The following YARS1 variants were observed in gnomAD, a reference collection of about 807,000 sequenced individuals.
The protein encoded by YARS1 is tyrosyl-tRNA synthetase 1.
In YARS1, 36 loss-of-function variants were observed where a neutral mutation model predicts 62.2. That is an observed-to-expected ratio of 0.58 (90% CI 0.44 to 0.76). YARS1 has a LOEUF of 0.76. Ranked by LOEUF, YARS1 falls within the 30% of genes least tolerant of loss-of-function variation. The probability of loss-of-function intolerance (pLI) is 0.00; values close to 1 mark genes in which losing one functional copy is unlikely to be tolerated. For missense variants in YARS1, 524 were observed against 639.8 expected, an observed-to-expected ratio of 0.82 and a Z score of 1.95; for synonymous variants, 234 against 244.9, an observed-to-expected ratio of 0.96 and a Z score of 0.42.
intron 3 of YARS1, among the ~76,000 whole-genome samples, chr1:32,808,772 A>G (rs1255862717): frequency 6.6e-6 from 1 of 152,126 alleles, no homozygotes; most frequent in Non-Finnish European, 1.5e-5. Flanking sequence ...AACTCATTCA[A>G]ATTGAAACCC....
rs1348014920 is a variant in YARS1 at position 32,776,399 on chromosome 1, G to A, written c.1477-308C>T. Among the ~76,000 whole-genome samples, 1 of 152,050 alleles carries A rather than the reference G, an allele frequency of 6.6e-6. No individual in the cohort carries two copies. The highest frequency in any genetic ancestry group is 1.5e-5 in the Non-Finnish European group (1 of 68,016). On this transcript the variant is annotated intron_variant, in intron 12 of 12. Transcript: ENST00000373477. The surrounding 1 kb of genome is among the most constrained non-coding windows in gnomAD (Gnocchi z 4.0). ...TGACCTCAAGTGATCCGCCTGCCTC[G>A]GCCTCCCAAAGTGTTGGGATTACAG...
At chr1:32,790,888 A>T in intron 6 of YARS1, 1 of 426,196 alleles carries the variant, frequency 2.3e-6, no homozygotes, top group African/African-American at 2.0e-5. Context: ...CTCATTAATA[A>T]GGCTGAATTT....
At position 32,803,395 on chromosome 1, in the gene YARS1, G is replaced by T. The variant is rs149356436; in HGVS notation, c.510+3087C>A. Among the ~76,000 whole-genome samples the T allele has an allele frequency of 2.0e-5, 3 of 150,238 alleles. No individual in the cohort carries two copies. In the East Asian group the frequency reaches 5.9e-4, roughly 30 times the overall value. ...GATTTGCTCACCTCGGCATCCCAAA[G>T]TGCTGGGATTACAGGCATGAGCCAC... On this transcript the variant is annotated intron_variant, in intron 4 of 12. Coordinates refer to ENST00000373477, the MANE Select transcript of YARS1 (RefSeq NM_003680.4).
At chr1:32,785,534 G>GGTCT in intron 8 of YARS1, among the ~76,000 whole-genome samples, 1 of 151,696 alleles carries the variant, frequency 6.6e-6, no homozygotes, top group East Asian at 1.9e-4. Flanking sequence ...AAGATGGAGA[G>GGTCT]GTCTGGCAGA....
Position 32,817,282 on chromosome 1 carries a change from C to T in YARS1, c.-38G>A, listed in dbSNP as rs1557472800. ...CCTGCTTCCCCCGCTCAGCCCGGCA[C>T]CAGAGCCCCTTCCTGGGTCACCGTC... is the stretch of plus-strand genomic sequence containing the variant. On this transcript the variant is annotated 5_prime_UTR_variant, in exon 1 of 13. The change creates a new upstream start codon in the 5' untranslated region. Transcript: ENST00000373477. The T allele has an allele frequency of 6.2e-7, 1 of 1,612,674 alleles. No individual in the cohort carries two copies. Among genetic ancestry groups the T allele is most frequent in the East Asian group, 2.2e-5 (1 of 44,882 alleles).
At chr1:32,795,187 C>T (rs1011338192) in intron 5 of YARS1, among the ~76,000 whole-genome samples, 4 of 143,514 alleles carry the variant, frequency 2.8e-5, no homozygotes, top group Non-Finnish European at 4.6e-5. Flanking sequence ...GGTGTGGTGG[C>T]GGGCGCCTGT....
intron 9 of YARS1, 73 bp from the exon 10 acceptor site, chr1:32,781,218 A>G: frequency 8.5e-7 from 1 of 1,178,026 alleles, no homozygotes; most frequent in East Asian, 2.3e-5. Context: ...CACCACGTTA[A>G]GACACTGAGA....
intron 5 of YARS1, among the ~76,000 whole-genome samples, chr1:32,793,601 T>C (rs535102097): frequency 9.3e-4 from 142 of 152,160 alleles, no homozygotes; most frequent in Non-Finnish European, 1.7e-3. Flanking sequence ...CCAAGATCAA[T>C]CACTCCAGCC....
In YARS1 at chr1:32,787,059, A is replaced by C; in HGVS notation, c.701T>G (p.Leu234Arg). ...CTTCACATCCTCCTTCCGATCAAGG[A>C]GATCAATCTTGGACTCCTAGAAGTC... ...SSSEEESKIDLLDRKEDVKKK... is the reference protein window; with the variant it reads ...SSSEEESKIDRLDRKEDVKKK... The change falls in exon 7 of 13, where the codon CTC (leucine) becomes CGC (arginine). Residue 234 changes from leucine (L) to arginine (R), a missense_variant. Coordinates refer to ENST00000373477, the MANE Select transcript of YARS1 (RefSeq NM_003680.4). 6.2e-7 allele frequency: 1 copy of C among 1,614,192 alleles called. No individual in the cohort carries two copies. The highest frequency in any genetic ancestry group is 8.5e-7 in the Non-Finnish European group (1 of 1,180,028).
At chr1:32,797,382 C>CAAGAAA (rs1439284709) in intron 5 of YARS1, among the ~76,000 whole-genome samples, 2 of 151,788 alleles carry the variant, frequency 1.3e-5, no homozygotes, top group Non-Finnish European at 2.9e-5. Flanking sequence ...AAAAAAAAGA[C>CAAGAAA]AAGAAAAAGA....
Position 32,786,345 on chromosome 1 carries a change from TTTTCC to T in YARS1, c.906+12_906+16del. ...ATACAGATCTTCATGAAAGGATTCC[TTTTCC>T]TTTCATGTTACCTCAGCAGCAAAGT... is the stretch of plus-strand genomic sequence containing the variant. On this transcript the variant is annotated intron_variant, in intron 8 of 12. Transcript: ENST00000373477. The T allele has an allele frequency of 6.2e-7, 1 of 1,609,002 alleles. No individual in the cohort carries two copies. The highest frequency in any genetic ancestry group is 8.5e-7 in the Non-Finnish European group (1 of 1,175,642).
intron 3 of YARS1, among the ~76,000 whole-genome samples, chr1:32,807,616 C>G (rs1223475853): frequency 1.3e-5 from 2 of 152,058 alleles, no homozygotes; most frequent in African/African-American, 4.8e-5. Flanking sequence ...TGCCACCACA[C>G]CTGGCTAATT....
In YARS1 at chr1:32,817,307, C is replaced by G. The variant is rs1569797135; in HGVS notation, c.-63G>C. On this transcript the variant is annotated 5_prime_UTR_variant, in exon 1 of 13. Coordinates refer to ENST00000373477, the MANE Select transcript of YARS1 (RefSeq NM_003680.4). ...CCAGAGCCCCTTCCTGGGTCACCGT[C>G]GCCGCCGCGTGCCGGGAACTGTCAC... 6.2e-7 allele frequency: 1 copy of G among 1,600,456 alleles called. No homozygotes were observed. Among genetic ancestry groups the G allele is most frequent in the Non-Finnish European group, 8.5e-7 (1 of 1,170,964 alleles).
Position 32,775,708 on chromosome 1 carries a change from C to T in YARS1, c.*273G>A, listed in dbSNP as rs1428947029. 9.4e-6 allele frequency: 5 copies of T among 529,256 alleles called. No individual in the cohort carries two copies. Among genetic ancestry groups the T allele is most frequent in the Non-Finnish European group, 1.7e-5 (5 of 294,024 alleles). 32.8% of individuals were successfully genotyped at this position (529,256 alleles called of 1,614,324 possible). A position where few individuals can be genotyped will look rare whatever the true frequency, so the allele number is the denominator to read the frequency against. ...ATTTTTAAATGAGTTATATTGAAAC[C>T]AGATTTCTCCAGCTGCCAAGGGAAG... On this transcript the variant is annotated 3_prime_UTR_variant, in exon 13 of 13. Coordinates refer to ENST00000373477, the MANE Select transcript of YARS1 (RefSeq NM_003680.4).
chr1:32,803,483 T>C (rs926020810), intron 4 of YARS1, among the ~76,000 whole-genome samples: 2 of 152,260 alleles, frequency 1.3e-5, no homozygotes, highest in African/African-American at 2.4e-5. Flanking sequence ...TAAATGAGCA[T>C]TGGCTTCAAC....
chr1:32,804,413 G>A (rs1302306986), intron 4 of YARS1, among the ~76,000 whole-genome samples: 2 of 151,224 alleles, frequency 1.3e-5, no homozygotes, highest in African/African-American at 4.9e-5. Flanking sequence ...TGGCCGGGCG[G>A]CGGCTGCCCC....
At chr1:32,798,190 C>G (rs1033711863) in intron 4 of YARS1, 53 of 308,230 alleles carry the variant, frequency 1.7e-4, no homozygotes, top group African/African-American at 1.1e-3. Context: ...TACTTTATTT[C>G]TTCTATATGG....
intron 1 of YARS1, among the ~76,000 whole-genome samples, chr1:32,816,396 C>CA (rs920938120): frequency 3.6e-4 from 54 of 151,558 alleles, no homozygotes; most frequent in African/African-American, 9.2e-4. Flanking sequence ...GAAACAATAA[C>CA]AAAAAAAAGG....
chr1:32,783,951 C>A (rs1653138848), intron 8 of YARS1, among the ~76,000 whole-genome samples: 1 of 151,980 alleles, frequency 6.6e-6, no homozygotes, highest in Admixed American at 6.6e-5. Context: ...TGTTGGATAA[C>A]ATGGCTGCAG....
Sources: gnomAD v4.1 joint callset for allele counts (sites outside exome capture counted in the v4.1 genomes callset) on GRCh38, gnomAD v4.1.1 for gene constraint, Gnocchi (gnomAD v3.1) non-coding constraint, MANE v1.5 for transcripts, NCBI Gene and HGNC (gene_info 2026-07-23, HGNC 2026-07-21) for gene names.